The following CNTNAP2 variants were observed in gnomAD, a reference collection of about 807,000 sequenced individuals.
CNTNAP2 encodes the protein contactin-associated protein-like 2.
In CNTNAP2, 98 loss-of-function variants were observed where a neutral mutation model predicts 155.2. The ratio of observed to expected loss-of-function variants is 0.63; its 90% CI spans 0.54 to 0.75. The LOEUF (loss-of-function observed/expected upper bound fraction) is 0.75. CNTNAP2 is among the 30% of genes least tolerant of loss of function. CNTNAP2 has a pLI of 0.00. For missense variants in CNTNAP2, 1,727 were observed against 1,688.1 expected (o/e 1.02, Z -0.40); for synonymous variants, 651 against 631.2 (o/e 1.03, Z -0.47).
intron 6 of CNTNAP2, among the ~76,000 whole-genome samples, chr7:147,127,008 A>G (rs1801253939): frequency 2.0e-5 from 3 of 152,182 alleles, no homozygotes. Flanking sequence ...AATTAAAGAA[A>G]TATGCACACA....
At chr7:146,641,463 A>G (rs545325555) in intron 1 of CNTNAP2, among the ~76,000 whole-genome samples, 2 of 152,232 alleles carry the variant, frequency 1.3e-5, no homozygotes, top group Non-Finnish European at 2.9e-5. Flanking sequence ...TGTAGGCCAT[A>G]TTTTATAAGA....
At chr7:147,033,770 T>A (rs956709908) in intron 3 of CNTNAP2, among the ~76,000 whole-genome samples, 1 of 142,982 alleles carries the variant, frequency 7.0e-6, no homozygotes, top group African/African-American at 2.6e-5. Flanking sequence ...AAAAACATAA[T>A]GAAGTAATCA....
intron 12 of CNTNAP2, among the ~76,000 whole-genome samples, chr7:147,622,487 T>C (rs1794877758): frequency 6.6e-6 from 1 of 152,042 alleles, no homozygotes; most frequent in Non-Finnish European, 1.5e-5. Context: ...AGATGAATTT[T>C]TGAAACTCTA....
intron 13 of CNTNAP2, among the ~76,000 whole-genome samples, chr7:147,649,296 G>T (rs1446720980): frequency 3.9e-5 from 6 of 152,116 alleles, no homozygotes; most frequent in African/African-American, 9.7e-5. Flanking sequence ...GCCTTCTCAT[G>T]TCTTTCTGTT....
At chr7:146,477,674 C>T (rs1349951351) in intron 1 of CNTNAP2, among the ~76,000 whole-genome samples, 6 of 139,606 alleles carry the variant, frequency 4.3e-5, no homozygotes, top group East Asian at 2.1e-4. Context: ...CACACACACA[C>T]ATCTTCTGGA....
At chr7:146,767,810 G>A (rs1024095381) in intron 1 of CNTNAP2, among the ~76,000 whole-genome samples, 4 of 152,090 alleles carry the variant, frequency 2.6e-5, no homozygotes, top group Admixed American at 2.6e-4. Context: ...GTCAAAACAG[G>A]AAAAGGACTT....
rs1482812596 is a variant in CNTNAP2 at position 147,015,082 on chromosome 7, A to G, written c.403-28825A>G. On this transcript the variant is annotated intron_variant, in intron 3 of 23. Coordinates refer to ENST00000361727, the MANE Select transcript of CNTNAP2 (RefSeq NM_014141.6). ...CAATGAATGTTTATGGATGCTTTTG[A>G]CACAGTGGTTTTTTTTTTTTTCTTT... Among the ~76,000 whole-genome samples, 4 of 151,506 alleles carry G rather than the reference A, an allele frequency of 2.6e-5. 1 individual carries two copies. The highest frequency in any genetic ancestry group is 9.7e-5 in the African/African-American group (4 of 41,408).
chr7:147,909,209 G>C (rs143354219), intron 14 of CNTNAP2, among the ~76,000 whole-genome samples: 5 of 152,250 alleles, frequency 3.3e-5, no homozygotes, highest in African/African-American at 1.2e-4. Flanking sequence ...ACCCAGGCCA[G>C]TGTTCTTCCA....
At chr7:147,780,154 T>C (rs1193168346) in intron 13 of CNTNAP2, among the ~76,000 whole-genome samples, 1 of 152,180 alleles carries the variant, frequency 6.6e-6, no homozygotes, top group African/African-American at 2.4e-5. Context: ...TTACGACTGC[T>C]CTGAATGACA....
At chr7:147,839,939 T>TACACACACACAC (rs376480999) in intron 13 of CNTNAP2, among the ~76,000 whole-genome samples, 33,448 of 149,602 alleles carry the variant, frequency 0.22, 3,926 homozygotes, top group Middle Eastern at 0.32. Flanking sequence ...TATATATGTA[T>TACACACACACAC]ACACACACAC....
At position 147,631,290 on chromosome 7, in the gene CNTNAP2, C is replaced by A. The variant is rs1052844515; in HGVS notation, c.1898-7816C>A. ...ATACCTAACCAAGGAGGTGAAAGAT[C>A]TCTACAAAGTTAACTACAAAACACT... On this transcript the variant is annotated intron_variant, in intron 12 of 23. Coordinates refer to ENST00000361727, the MANE Select transcript of CNTNAP2 (RefSeq NM_014141.6). Among the ~76,000 whole-genome samples the A allele has an allele frequency of 2.0e-5, 3 of 152,072 alleles. No individual in the cohort carries two copies. The South Asian group carries it at 6.2e-4, about 32-fold the overall frequency.
At chr7:146,945,158 G>A (rs975984221) in intron 3 of CNTNAP2, among the ~76,000 whole-genome samples, 5 of 152,196 alleles carry the variant, frequency 3.3e-5, no homozygotes, top group African/African-American at 1.2e-4. Flanking sequence ...AGAACTGCAT[G>A]TGTAAAAACG....
chr7:146,186,930 T>C (rs1468147855), intron 1 of CNTNAP2, among the ~76,000 whole-genome samples: 10 of 152,178 alleles, frequency 6.6e-5, no homozygotes, highest in African/African-American at 2.2e-4. Flanking sequence ...CTAGTAAATA[T>C]TAAAGCTAGG....
At chr7:147,141,354 G>T (rs2129287368) in intron 8 of CNTNAP2, among the ~76,000 whole-genome samples, 1 of 152,138 alleles carries the variant, frequency 6.6e-6, no homozygotes, top group East Asian at 1.9e-4. Context: ...ATCTTCAATT[G>T]CTGACCTATT....
chr7:146,876,101 T>C (rs1260216466), intron 3 of CNTNAP2, among the ~76,000 whole-genome samples: 1 of 152,008 alleles, frequency 6.6e-6, no homozygotes, highest in Non-Finnish European at 1.5e-5. Flanking sequence ...GCAGATTGTT[T>C]TGGTTTTTTG....
At chr7:146,675,219 A>G (rs1013369280) in intron 1 of CNTNAP2, among the ~76,000 whole-genome samples, 2 of 152,106 alleles carry the variant, frequency 1.3e-5, no homozygotes, top group Non-Finnish European at 2.9e-5. Context: ...CTTCTAGGAG[A>G]TTATTTTCAT....
At chr7:146,631,939 T>C (rs535775482) in intron 1 of CNTNAP2, among the ~76,000 whole-genome samples, 1 of 121,866 alleles carries the variant, frequency 8.2e-6, no homozygotes, top group Admixed American at 7.7e-5. Flanking sequence ...AAATCACTTT[T>C]TAAAATTTAC....
intron 1 of CNTNAP2, among the ~76,000 whole-genome samples, chr7:146,612,474 T>C (rs182826849): frequency 1.3e-5 from 2 of 152,190 alleles, no homozygotes; most frequent in Admixed American, 1.3e-4. Flanking sequence ...TGGTTTAATA[T>C]AAGAACAAAA....
At chr7:147,379,643 G>A (rs1421461550) in intron 9 of CNTNAP2, among the ~76,000 whole-genome samples, 9 of 151,728 alleles carry the variant, frequency 5.9e-5, no homozygotes, top group Non-Finnish European at 1.2e-4. Flanking sequence ...ATTTTTTTTG[G>A]AAAAAGATAA....
Sources: gnomAD v4.1 joint callset for allele counts (sites outside exome capture counted in the v4.1 genomes callset) on GRCh38, gnomAD v4.1.1 for gene constraint, MANE v1.5 for transcripts, NCBI Gene and HGNC (gene_info 2026-07-23, HGNC 2026-07-21) for gene names.